The following STAM2 variants were observed in gnomAD, a reference collection of about 807,000 sequenced individuals.
The protein encoded by STAM2 is signal transducing adapter molecule 2.
In STAM2, 51 loss-of-function variants were observed where a neutral mutation model predicts 65.6. That is an observed-to-expected ratio of 0.78 (90% CI 0.62 to 0.98). STAM2 has a LOEUF of 0.98. Ranked by LOEUF, STAM2 falls within the 50% of genes least tolerant of loss-of-function variation. STAM2 has a pLI of 0.00. For missense variants in STAM2, 584 were observed against 617.8 expected (o/e 0.95, Z 0.58); for synonymous variants, 198 against 208.4 (o/e 0.95, Z 0.43).
chr2:152,142,930 A>G (rs576708765), intron 7 of STAM2, among the ~76,000 whole-genome samples: 1 of 152,232 alleles, frequency 6.6e-6, no homozygotes. Context: ...GAGCCGCAGG[A>G]TAAGCCTTCT....
At position 152,120,666 on chromosome 2, in the gene STAM2, TG is replaced by T; in HGVS notation, c.1485del (p.Asn496IlefsTer10). ...VDMSSYQNTT[S>X]NLPQLAGFPV... ...GGAAAGCCTGCCAGTTGAGGCAAAT[TG>T]GAAGTAGTGTTCTGATAAGATGACA... On this transcript the variant is annotated frameshift_variant, in exon 14 of 14. Coordinates refer to ENST00000263904, the MANE Select transcript of STAM2 (RefSeq NM_005843.6). LOFTEE classifies it high-confidence loss of function. 18 of 1,614,150 alleles carry T rather than the reference TG, an allele frequency of 1.1e-5. No homozygotes were observed. Among genetic ancestry groups the T allele is most frequent in the Middle Eastern group, 1.6e-4 (1 of 6,062 alleles).
rs1219834392 is a variant in STAM2, at chr2:152,120,390, G to A, written c.*184C>T. The A allele has an allele frequency of 1.2e-5, 7 of 562,218 alleles. No homozygotes were observed. The highest frequency in any genetic ancestry group is 6.1e-5 in the African/African-American group (3 of 48,990). The allele number at this position is 562,218 out of a possible 1,614,324, so 34.8% of individuals were successfully genotyped here. ...TGAAAAGATTGACTTCAAACAAACT[G>A]GACTGAAAAAAAAAAAAAAAAAAAA... On this transcript the variant is annotated 3_prime_UTR_variant, in exon 14 of 14. Coordinates refer to ENST00000263904, the MANE Select transcript of STAM2 (RefSeq NM_005843.6).
Position 152,144,878 on chromosome 2 carries a change from G to T in STAM2, c.517+10C>A. 1 of 1,611,616 alleles carries T rather than the reference G, an allele frequency of 6.2e-7. No homozygotes were observed. On this transcript the variant is annotated intron_variant, in intron 6 of 13. Coordinates refer to ENST00000263904, the MANE Select transcript of STAM2 (RefSeq NM_005843.6). ...AAGCAACACTAAATTACATGTGCTTGATCATTTACCTTTAGCTATGTCTTC... is the reference window on the plus strand; with the variant it reads ...AAGCAACACTAAATTACATGTGCTTTATCATTTACCTTTAGCTATGTCTTC...
chr2:152,160,298 G>A (rs1385572680), intron 1 of STAM2, among the ~76,000 whole-genome samples: 2 of 150,580 alleles, frequency 1.3e-5, no homozygotes, highest in African/African-American at 2.5e-5. Flanking sequence ...GCCTCTTCCC[G>A]GCCGCCATCC....
chr2:152,133,904 A>T (rs1689108079), intron 8 of STAM2, among the ~76,000 whole-genome samples: 1 of 152,206 alleles, frequency 6.6e-6, no homozygotes, highest in Admixed American at 6.5e-5. Context: ...AGCTAATTTC[A>T]TAGTTACATC....
intron 7 of STAM2, among the ~76,000 whole-genome samples, chr2:152,136,260 T>C (rs1431212756): frequency 6.6e-6 from 1 of 151,756 alleles, no homozygotes; most frequent in Non-Finnish European, 1.5e-5. Context: ...CTGGCCAACA[T>C]GGCAAAACCC....
intron 8 of STAM2, 139 bp downstream of exon 8, chr2:152,135,370 T>C: frequency 1.6e-6 from 1 of 630,218 alleles, no homozygotes; most frequent in Non-Finnish European, 2.8e-6. Context: ...GGTTAAAAAG[T>C]AGGTTAGATT....
Position 152,150,215 on chromosome 2 carries a change from C to T in STAM2, c.55G>A (p.Glu19Lys). 1 of 1,612,790 alleles carries T rather than the reference C, an allele frequency of 6.2e-7. No homozygotes were observed. The highest frequency in any genetic ancestry group is 8.5e-7 in the Non-Finnish European group (1 of 1,179,124). The change falls in exon 2 of 14, where the codon GAG becomes AAG. Residue 19 changes from glutamate to lysine, a missense_variant. Glu to Lys is a moderately conservative substitution (Grantham distance 56). Transcript: ENST00000263904. ...CTCCAATCTTCTGTAGTGTTGTACT[C>T]ATTCGTGGCTTTTTCTATAAAATAT... ...FEQDVEKATN[E>K]YNTTEDWSLI... is the part of the protein sequence containing the mutation.
chr2:152,141,881 GC>G (rs1560215513), intron 7 of STAM2, among the ~76,000 whole-genome samples: 1 of 152,056 alleles, frequency 6.6e-6, no homozygotes, highest in African/African-American at 2.4e-5. Context: ...TAGCCACCAC[GC>G]CCTGCCAGCT....
At chr2:152,173,934 T>C (rs1203412951) in intron 1 of STAM2, among the ~76,000 whole-genome samples, 1 of 152,202 alleles carries the variant, frequency 6.6e-6, no homozygotes, top group African/African-American at 2.4e-5. Context: ...ATGTAACTAC[T>C]TGAAGCTCTG....
In STAM2 at chr2:152,118,685, G is replaced by A. The variant is rs1174866472; in HGVS notation, c.*1889C>T. 7 of 149,200 alleles carry A rather than the reference G, an allele frequency of 4.7e-5. No individual in the cohort carries two copies. Among genetic ancestry groups the A allele is most frequent in the Non-Finnish European group, 8.9e-5 (6 of 67,394 alleles). 9.2% of individuals were successfully genotyped at this position (149,200 alleles called of 1,614,324 possible). Reference sequence around the variant, plus strand: ...ATATATGCAAATGTTGACTATTATCGAGAGCAGCTTTGGATTTTTTTTAAA... The same window carrying A: ...ATATATGCAAATGTTGACTATTATCAAGAGCAGCTTTGGATTTTTTTTAAA... On this transcript the variant is annotated 3_prime_UTR_variant, in exon 14 of 14. Coordinates refer to ENST00000263904, the MANE Select transcript of STAM2 (RefSeq NM_005843.6).
rs12992239 is a variant in STAM2, at chr2:152,172,753, C to A, written c.40+2850G>T. 3.4e-3 allele frequency among the ~76,000 whole-genome samples: 521 copies of A among 151,842 alleles called. 4 individuals carry two copies. Among genetic ancestry groups the A allele is most frequent in the Non-Finnish European group, 5.3e-3 (357 of 67,946 alleles). ...AGGTGTGGTGGTGCGCACCTGTAGT[C>A]CTAGCTACTCGGGAGGCTGAGGCAG... On this transcript the variant is annotated intron_variant, in intron 1 of 13. Coordinates refer to ENST00000263904, the MANE Select transcript of STAM2 (RefSeq NM_005843.6).
chr2:152,173,739 T>C (rs148474615), intron 1 of STAM2, among the ~76,000 whole-genome samples: 3 of 152,324 alleles, frequency 2.0e-5, no homozygotes, highest in Non-Finnish European at 4.4e-5. Context: ...TTTTAAGATA[T>C]TAAAAACGTA....
At chr2:152,152,584 T>C (rs1276952526) in intron 1 of STAM2, among the ~76,000 whole-genome samples, 1 of 151,942 alleles carries the variant, frequency 6.6e-6, no homozygotes, top group African/African-American at 2.4e-5. Flanking sequence ...TTCTGGCTAA[T>C]ATAAATAATG....
chr2:152,123,690 A>AAGGGTCTATATATTCTC, intron 13 of STAM2, 76 bp downstream of exon 13: 1 of 1,354,714 alleles, frequency 7.4e-7, no homozygotes, highest in Non-Finnish European at 1.0e-6. Context: ...TCATCTTAAT[A>AAGGGTCTATATATTCTC]AGGGTCTATA....
In STAM2 at chr2:152,118,838, T is replaced by C. The variant is rs1688799969; in HGVS notation, c.*1736A>G. On this transcript the variant is annotated 3_prime_UTR_variant, in exon 14 of 14. Coordinates refer to ENST00000263904, the MANE Select transcript of STAM2 (RefSeq NM_005843.6). The stretch of plus-strand genomic sequence containing the variant: ...TGAATAAAAAACAGAACATGAGATA[T>C]TAAAGGTTAAAACTTTCTGTTCAGT... 1 of 152,146 alleles carries C rather than the reference T, an allele frequency of 6.6e-6. No homozygotes were observed. Among genetic ancestry groups the C allele is most frequent in the South Asian group, 2.1e-4 (1 of 4,830 alleles). The allele number at this position is 152,146 out of a possible 1,614,324, so 9.4% of individuals were successfully genotyped here. A position where few individuals can be genotyped will look rare whatever the true frequency, so the allele number is the denominator to read the frequency against.
rs1278745248 is a variant in STAM2 at position 152,117,423 on chromosome 2, T to A, written c.*3151A>T. 3 of 152,194 alleles carry A rather than the reference T, an allele frequency of 2.0e-5. No individual in the cohort carries two copies. The highest frequency in any genetic ancestry group is 2.9e-5 in the Non-Finnish European group (2 of 68,042). The allele number at this position is 152,194 out of a possible 1,614,324, so 9.4% of individuals were successfully genotyped here. A position where few individuals can be genotyped will look rare whatever the true frequency, so the allele number is the denominator to read the frequency against. On this transcript the variant is annotated 3_prime_UTR_variant, in exon 14 of 14. Coordinates refer to ENST00000263904, the MANE Select transcript of STAM2 (RefSeq NM_005843.6). ...ATACTCCTATCTCAGGCTCCCAAAG[T>A]GCTGGGATTATAGGCATGAGCCACT...
intron 1 of STAM2, among the ~76,000 whole-genome samples, chr2:152,174,756 G>A (rs1293964406): frequency 1.3e-5 from 2 of 152,298 alleles, no homozygotes; most frequent in Non-Finnish European, 2.9e-5. Context: ...CGGAGGTGGA[G>A]GCTGAGGTGG....
chr2:152,142,295 T>C (rs1359108786), intron 7 of STAM2, among the ~76,000 whole-genome samples: 1 of 152,248 alleles, frequency 6.6e-6, no homozygotes, highest in Non-Finnish European at 1.5e-5. Context: ...CAGTAATTTA[T>C]TTTAGAAAAT....
Sources: allele counts gnomAD v4.1 joint callset (sites outside exome capture counted in the v4.1 genomes callset), GRCh38; gene constraint gnomAD v4.1.1; transcripts MANE v1.5; gene names NCBI Gene and HGNC (gene_info 2026-07-23, HGNC 2026-07-21).